Variants in MARCO observed in about 807,000 individuals in gnomAD.
MARCO encodes the protein macrophage receptor MARCO.
In MARCO, 72 loss-of-function variants were observed where a neutral mutation model predicts 70.0. That is an observed-to-expected ratio of 1.03 (90% CI 0.85 to 1.25). MARCO has a LOEUF of 1.25. Ranked by LOEUF, MARCO falls within the 50% of genes most tolerant of loss-of-function variation. The probability of loss-of-function intolerance (pLI) is 0.00; values close to 1 mark genes in which losing one functional copy is unlikely to be tolerated. For missense variants in MARCO, 696 were observed against 659.3 expected (o/e 1.06, Z -0.61); for synonymous variants, 273 against 243.1 (o/e 1.12, Z -1.14).
In MARCO at chr2:118,982,173, G is replaced by T; in HGVS notation, c.919G>T (p.Gly307Cys). The T allele has an allele frequency of 3.7e-6, 6 of 1,611,882 alleles. No homozygotes were observed. The highest frequency in any genetic ancestry group is 5.1e-6 in the Non-Finnish European group (6 of 1,178,490). ...KGDQGQPGLQGVPGPPGAVGH... is the reference protein window; with the variant it reads ...KGDQGQPGLQCVPGPPGAVGH... ...CCTTTCAGGACAACCTGGACTGCAGGGTGTTCCGGGCCCTCCTGGTGCAGT... is the reference window on the plus strand; with the variant it reads ...CCTTTCAGGACAACCTGGACTGCAGTGTGTTCCGGGCCCTCCTGGTGCAGT... The change falls in exon 11 of 17, where the codon GGT becomes TGT. Residue 307 changes from glycine (G) to cysteine (C), a missense_variant. Transcript: ENST00000327097.
At chr2:118,959,630 A>T (rs1679904755) in intron 1 of MARCO, among the ~76,000 whole-genome samples, 1 of 152,312 alleles carries the variant, frequency 6.6e-6, no homozygotes, top group East Asian at 1.9e-4. Flanking sequence ...CAATCCTACT[A>T]CTGGGTATCT....
chr2:118,943,186 A>T (rs1220482032), intron 1 of MARCO, among the ~76,000 whole-genome samples: 1 of 152,058 alleles, frequency 6.6e-6, no homozygotes, highest in Admixed American at 6.6e-5. Flanking sequence ...TCCTGGCCAG[A>T]GTGTCCTTCT....
At chr2:118,948,930 C>A (rs2104547091) in intron 1 of MARCO, among the ~76,000 whole-genome samples, 1 of 152,258 alleles carries the variant, frequency 6.6e-6, no homozygotes, top group South Asian at 2.1e-4. Context: ...CTCCATAATA[C>A]CACCATACAT....
intron 2 of MARCO, 100 bp downstream of exon 2, chr2:118,969,361 G>C: frequency 1.2e-6 from 1 of 836,482 alleles, no homozygotes; most frequent in East Asian, 2.5e-5. Flanking sequence ...AGAGCCTCGG[G>C]CCACTGCTCC....
chr2:118,989,056 T>A (rs1419496397), intron 12 of MARCO, among the ~76,000 whole-genome samples: 1 of 152,234 alleles, frequency 6.6e-6, no homozygotes, highest in Non-Finnish European at 1.5e-5. Flanking sequence ...AAGACAGAAG[T>A]GGACTCAAGT....
chr2:118,994,033 T>C (rs146642734), intron 16 of MARCO, among the ~76,000 whole-genome samples: 1 of 152,194 alleles, frequency 6.6e-6, no homozygotes, highest in Non-Finnish European at 1.5e-5. Flanking sequence ...TACAGAGGCA[T>C]GTGAGGCAGG....
chr2:118,988,383 T>C (rs888702406), intron 12 of MARCO, among the ~76,000 whole-genome samples: 1 of 152,004 alleles, frequency 6.6e-6, no homozygotes, highest in African/African-American at 2.4e-5. Context: ...TCACAGTGTT[T>C]TGAGGCCCCT....
At chr2:118,950,335 T>G (rs1679696355) in intron 1 of MARCO, among the ~76,000 whole-genome samples, 1 of 152,216 alleles carries the variant, frequency 6.6e-6, no homozygotes, top group Non-Finnish European at 1.5e-5. Flanking sequence ...TGTTGTTCTT[T>G]TATTTTAATA....
intron 1 of MARCO, among the ~76,000 whole-genome samples, chr2:118,964,829 A>G (rs10172541): frequency 0.054 from 8,184 of 151,564 alleles, 696 homozygotes; most frequent in African/African-American, 0.19. Context: ...TGGAGGTTGA[A>G]GCGAGCAGAG....
Position 118,974,412 on chromosome 2 carries a change from G to T in MARCO, c.540G>T (p.Lys180Asn). The T allele has an allele frequency of 6.2e-7, 1 of 1,612,816 alleles. No individual in the cohort carries two copies. The highest frequency in any genetic ancestry group is 8.5e-7 in the Non-Finnish European group (1 of 1,179,564). Residue 180 changes from lysine to asparagine, a missense_variant, in exon 5 of 17, where the codon AAG becomes AAT. Transcript: ENST00000327097. Reference protein sequence around the residue: ...PPGPPAEKGAKGAMGRDGATG... With the variant: ...PPGPPAEKGANGAMGRDGATG... The stretch of plus-strand genomic sequence containing the variant: ...GACCACCTGCTGAGAAGGGAGCCAA[G>T]GGGGCTATGGGACGAGATGGAGCAA...
chr2:118,942,974 C>T (rs759425596), intron 1 of MARCO, among the ~76,000 whole-genome samples: 2 of 152,244 alleles, frequency 1.3e-5, no homozygotes, highest in Non-Finnish European at 2.9e-5. Context: ...TATTTTCTCA[C>T]TCAGCATTCA....
chr2:118,962,326 G>A (rs1002770537), intron 1 of MARCO, among the ~76,000 whole-genome samples: 2 of 152,036 alleles, frequency 1.3e-5, no homozygotes, highest in African/African-American at 2.4e-5. Context: ...TCATTTTCAT[G>A]ATGTTGATTC....
chr2:118,969,100 C>A lies in MARCO; in HGVS notation c.98-60C>A, dbSNP rs1680111374. 4.1e-6 allele frequency: 5 copies of A among 1,228,602 alleles called. No homozygotes were observed. In the African/African-American group the frequency reaches 5.9e-5, roughly 15 times the overall value. 76.1% of individuals were successfully genotyped at this position (1,228,602 alleles called of 1,614,324 possible). ...CACATGGAGTAGGGCCTGGAGCAGG[C>A]AGGGACTTCCTGTGCTGTGTTCTCT... On this transcript the variant is annotated intron_variant, in intron 1 of 16. Coordinates refer to ENST00000327097, the MANE Select transcript of MARCO (RefSeq NM_006770.4).
chr2:118,981,747 A>G, intron 10 of MARCO, 91 bp downstream of exon 10: 1 of 1,299,022 alleles, frequency 7.7e-7, no homozygotes, highest in Non-Finnish European at 1.1e-6. Context: ...CTTTTGCTTC[A>G]TTGTAGTATT....
At chr2:118,956,442 T>A (rs1018881705) in intron 1 of MARCO, among the ~76,000 whole-genome samples, 7 of 102,972 alleles carry the variant, frequency 6.8e-5, no homozygotes, top group Non-Finnish European at 1.3e-4. Context: ...CAGGAAGATA[T>A]CACAATCCCA....
intron 4 of MARCO, among the ~76,000 whole-genome samples, chr2:118,973,109 T>C (rs1189928407): frequency 6.6e-6 from 1 of 151,712 alleles, no homozygotes; most frequent in Non-Finnish European, 1.5e-5. Flanking sequence ...TGAATATAGA[T>C]GTATGTACAT....
chr2:118,987,576 C>A (rs184205883), intron 12 of MARCO, among the ~76,000 whole-genome samples: 61 of 152,092 alleles, frequency 4.0e-4, no homozygotes, highest in Admixed American at 1.5e-3. Context: ...GGGCTGTGAG[C>A]TCCTAAAGAG....
rs551732472 is a variant in MARCO at position 118,970,285 on chromosome 2, G to A, written c.371G>A (p.Arg124His). 4.6e-5 allele frequency: 74 copies of A among 1,614,004 alleles called. No homozygotes were observed. The East Asian group carries it at 1.2e-3, about 27-fold the overall frequency. ...CTGCAGGCCCAACTCACCTGGGTCC[G>A]CGTCAGCCATGAGCACTTGCTGCAG... ...QVLQAQLTWV[R>H]VSHEHLLQRV... Residue 124 changes from arginine to histidine, a missense_variant, in exon 3 of 17, where the codon CGC (arginine) becomes CAC (histidine). Coordinates refer to ENST00000327097, the MANE Select transcript of MARCO (RefSeq NM_006770.4).
chr2:118,948,567 A>C (rs1679648374), intron 1 of MARCO, among the ~76,000 whole-genome samples: 1 of 152,250 alleles, frequency 6.6e-6, no homozygotes, highest in Admixed American at 6.5e-5. Flanking sequence ...TCCTCAAAAG[A>C]AACCATCATT....
Sources: allele counts gnomAD v4.1 joint callset (sites outside exome capture counted in the v4.1 genomes callset), GRCh38; gene constraint gnomAD v4.1.1; transcripts MANE v1.5; gene names NCBI Gene and HGNC (gene_info 2026-07-23, HGNC 2026-07-21).